Variants in KIAA0232 observed in about 807,000 individuals in gnomAD.
KIAA0232 encodes uncharacterized protein KIAA0232.
In KIAA0232, 27 loss-of-function variants were observed where a neutral mutation model predicts 122.0. That is an observed-to-expected ratio of 0.22 (90% CI 0.16 to 0.31). The LOEUF (loss-of-function observed/expected upper bound fraction) is 0.31, where lower values mean the gene tolerates loss of function less well. Among genes scored for constraint, KIAA0232 ranks in the 10% least tolerant of loss-of-function variants. The pLI is 1.00. For synonymous variants in KIAA0232, 613 were observed against 587.6 expected (o/e 1.04, Z -0.63); for missense variants, 1,551 against 1,634.2 (o/e 0.95, Z 0.88).
At chr4:6,811,518 C>T (rs1184646386) in intron 2 of KIAA0232, among the ~76,000 whole-genome samples, 1 of 152,192 alleles carries the variant, frequency 6.6e-6, no homozygotes, top group Middle Eastern at 3.2e-3. Context: ...TCTTGGCTCA[C>T]TGCAGCCTCT....
chr4:6,837,298 C>T (rs1719359653), intron 3 of KIAA0232, among the ~76,000 whole-genome samples: 1 of 151,674 alleles, frequency 6.6e-6, no homozygotes, highest in South Asian at 2.1e-4. Context: ...AGAGACGCTC[C>T]TCAGTTCCCA....
intron 4 of KIAA0232, among the ~76,000 whole-genome samples, chr4:6,853,656 G>T (rs971550894): frequency 6.6e-6 from 1 of 152,204 alleles, no homozygotes; most frequent in Admixed American, 6.5e-5. Flanking sequence ...CCATAAAAGA[G>T]AAACCTGTAA....
intron 7 of KIAA0232, among the ~76,000 whole-genome samples, chr4:6,864,817 T>G (rs567016498): frequency 1.3e-5 from 2 of 152,012 alleles, no homozygotes; most frequent in Admixed American, 6.6e-5. Flanking sequence ...CATTCAAAGT[T>G]GATGAATCAG....
chr4:6,831,516 A>G (rs1441234122), intron 3 of KIAA0232, among the ~76,000 whole-genome samples: 2 of 152,292 alleles, frequency 1.3e-5, no homozygotes, highest in Admixed American at 1.3e-4. Flanking sequence ...ACTGTTCCAT[A>G]TAGAGAACAA....
chr4:6,857,684 G>A (rs565177467), intron 5 of KIAA0232, among the ~76,000 whole-genome samples: 2 of 152,276 alleles, frequency 1.3e-5, no homozygotes, highest in African/African-American at 2.4e-5. Context: ...GGTTTGGAAG[G>A]GACTTCTGTT....
intron 3 of KIAA0232, among the ~76,000 whole-genome samples, chr4:6,834,709 TA>T (rs1200721290): frequency 2.6e-5 from 4 of 152,220 alleles, no homozygotes; most frequent in African/African-American, 9.6e-5. Flanking sequence ...CAATTACTCT[TA>T]TTTTTTGTGA....
chr4:6,841,755 A>G (rs1351519512), intron 3 of KIAA0232, among the ~76,000 whole-genome samples: 1 of 152,242 alleles, frequency 6.6e-6, no homozygotes, highest in Non-Finnish European at 1.5e-5. Context: ...ACAAAAGTGC[A>G]AGACTTGTGC....
Position 6,837,507 on chromosome 4 carries a change from G to A in KIAA0232, c.232-4560G>A, listed in dbSNP as rs1038405911. 5.9e-5 allele frequency among the ~76,000 whole-genome samples: 9 copies of A among 152,204 alleles called. No individual in the cohort carries two copies. The East Asian group carries it at 1.3e-3, about 23-fold the overall frequency. ...CAGAGACGCTCCTCACTTCCTAGAC[G>A]GGGTGGCGGCCAGGCAGAGGCTGCA... On this transcript the variant is annotated intron_variant, in intron 3 of 9. Coordinates refer to ENST00000307659, the MANE Select transcript of KIAA0232 (RefSeq NM_014743.3).
intron 9 of KIAA0232, among the ~76,000 whole-genome samples, chr4:6,878,379 T>TCATACCTA (rs1553847006): frequency 1.3e-5 from 2 of 149,198 alleles, no homozygotes; most frequent in African/African-American, 5.1e-5. Context: ...CATCATTCAT[T>TCATACCTA]CATACATACA....
At chr4:6,865,709 C>T (rs1721140745) in intron 7 of KIAA0232, among the ~76,000 whole-genome samples, 1 of 152,228 alleles carries the variant, frequency 6.6e-6, no homozygotes, top group Admixed American at 6.5e-5. Flanking sequence ...CCCTACCCAC[C>T]ATTGCACATC....
At chr4:6,860,752 TA>T in intron 6 of KIAA0232, 148 bp from the exon 7 acceptor site, 1 of 740,420 alleles carries the variant, frequency 1.4e-6, no homozygotes. Flanking sequence ...TACTGTATTA[TA>T]AATTATTGTA....
chr4:6,823,724 C>CAAAAAAAA, intron 2 of KIAA0232, among the ~76,000 whole-genome samples: 1 of 139,772 alleles, frequency 7.2e-6, no homozygotes, highest in Non-Finnish European at 1.6e-5. Context: ...CTTGAGATAG[C>CAAAAAAAA]AAAAAAAAAA....
intron 4 of KIAA0232, among the ~76,000 whole-genome samples, chr4:6,845,486 G>A (rs1577393330): frequency 6.6e-6 from 1 of 152,148 alleles, no homozygotes; most frequent in East Asian, 1.9e-4. Context: ...GAGTCACCAC[G>A]CCCAGCCAAA....
Position 6,863,427 on chromosome 4 carries a change from T to A in KIAA0232, c.3045T>A (p.Phe1015Leu). 1 of 1,614,090 alleles carries A rather than the reference T, an allele frequency of 6.2e-7. No homozygotes were observed. Among genetic ancestry groups the A allele is most frequent in the Non-Finnish European group, 8.5e-7 (1 of 1,180,000 alleles). ...ATGGGTTAAATAAGGGATTTTCTTT[T>A]ATCTTCCATGAAGACTTACTAGGAG... ...GENGLNKGFSFIFHEDLLGAC... is the reference protein window; with the variant it reads ...GENGLNKGFSLIFHEDLLGAC... Residue 1015 changes from phenylalanine to leucine, a missense_variant, in exon 7 of 10, where the codon TTT (phenylalanine) becomes TTA (leucine). Around this residue, in one of 5 missense-constraint regions of KIAA0232, gnomAD observed 1,108 missense variants for 1,154.8 expected, o/e 0.96. Coordinates refer to ENST00000307659, the MANE Select transcript of KIAA0232 (RefSeq NM_014743.3).
chr4:6,864,830 A>G (rs1030125938), intron 7 of KIAA0232, among the ~76,000 whole-genome samples: 1 of 152,158 alleles, frequency 6.6e-6, no homozygotes, highest in African/African-American at 2.4e-5. Flanking sequence ...TGAATCAGGA[A>G]GTGGCTGCTA....
intron 3 of KIAA0232, among the ~76,000 whole-genome samples, chr4:6,838,632 T>G (rs764063073): frequency 1.8e-4 from 28 of 152,088 alleles, no homozygotes; most frequent in Non-Finnish European, 3.5e-4. Context: ...AATTCCACAT[T>G]TAAAATAAAT....
chr4:6,828,846 ATCAAAGAC>A (rs1326829797), intron 3 of KIAA0232, among the ~76,000 whole-genome samples: 1 of 152,180 alleles, frequency 6.6e-6, no homozygotes, highest in Non-Finnish European at 1.5e-5. Context: ...ACTTTTTAAG[ATCAAAGAC>A]TTTCCCTTAG....
rs1002311692 is a variant in KIAA0232 at position 6,810,071 on chromosome 4, A to G, written c.-270+5465A>G. ...TAATGTCATGTTTTACAGAATTAGG[A>G]AAAAAATCCTAAATTCATATGAAAT... is the stretch of plus-strand genomic sequence containing the variant. On this transcript the variant is annotated intron_variant, in intron 2 of 9. Coordinates refer to ENST00000307659, the MANE Select transcript of KIAA0232 (RefSeq NM_014743.3). Among the ~76,000 whole-genome samples the G allele has an allele frequency of 6.6e-5, 10 of 152,310 alleles. No homozygotes were observed. In the East Asian group the frequency reaches 1.5e-3, roughly 23 times the overall value.
At chr4:6,799,477 C>A (rs948138138) in intron 1 of KIAA0232, among the ~76,000 whole-genome samples, 1 of 151,756 alleles carries the variant, frequency 6.6e-6, no homozygotes, top group African/African-American at 2.4e-5. Context: ...TCCTCAAATT[C>A]ATCTCTTTAC....
Sources: allele counts gnomAD v4.1 joint callset (sites outside exome capture counted in the v4.1 genomes callset), GRCh38; gene constraint gnomAD v4.1.1; regional missense constraint gnomAD v4.1.1; transcripts MANE v1.5; gene names NCBI Gene and HGNC (gene_info 2026-07-23, HGNC 2026-07-21).